The following DPF3 variants were observed in gnomAD, a reference collection of about 807,000 sequenced individuals.
The protein encoded by DPF3 is double PHD fingers 3.
In DPF3, 18 loss-of-function variants were observed where a neutral mutation model predicts 56.8. The observed-to-expected ratio is 0.32, with a 90% CI of 0.22 to 0.47. DPF3 has a LOEUF of 0.47. Ranked by LOEUF, DPF3 falls within the 20% of genes least tolerant of loss-of-function variation. The pLI is 1.00. For synonymous variants in DPF3, 188 were observed against 180.2 expected (o/e 1.04, Z -0.35); for missense variants, 403 against 488.8 (o/e 0.82, Z 1.65).
At chr14:72,855,875 A>G (rs954492184) in intron 1 of DPF3, among the ~76,000 whole-genome samples, 2 of 152,218 alleles carry the variant, frequency 1.3e-5, no homozygotes, top group African/African-American at 4.8e-5. Context: ...TTGAGGCATG[A>G]GTGATCAGCA....
intron 1 of DPF3, among the ~76,000 whole-genome samples, chr14:72,834,821 T>C (rs1443901725): frequency 6.6e-6 from 1 of 152,164 alleles, no homozygotes; most frequent in Non-Finnish European, 1.5e-5. Flanking sequence ...GATGAATAGG[T>C]AAATCAAATG....
chr14:72,744,422 C>T (rs1890247482), intron 3 of DPF3, among the ~76,000 whole-genome samples: 1 of 151,792 alleles, frequency 6.6e-6, no homozygotes, highest in South Asian at 2.1e-4. Flanking sequence ...TACAGGTGCC[C>T]ACCACCACAC....
At chr14:72,795,294 AAATATATATAT>A (rs1277840779) in intron 1 of DPF3, among the ~76,000 whole-genome samples, 1 of 98,316 alleles carries the variant, frequency 1.0e-5, no homozygotes, top group East Asian at 2.9e-4. Context: ...AAAAAAAAAA[AAATATATATAT>A]ATATATATAT....
At position 72,733,449 on chromosome 14, in the gene DPF3, T is replaced by A. The variant is rs576312068; in HGVS notation, c.302-1515A>T. Among the ~76,000 whole-genome samples, 3 of 152,200 alleles carry A rather than the reference T, an allele frequency of 2.0e-5. No homozygotes were observed. The East Asian group carries it at 5.8e-4, about 29-fold the overall frequency. On this transcript the variant is annotated intron_variant, in intron 3 of 10. Coordinates refer to ENST00000556509, the MANE Select transcript of DPF3 (RefSeq NM_001280542.3). ...GGAGAGGGGCCATTACCGCTGCTGC[T>A]ATTTTTGGAGGGACAGAGGGAGAGT...
At chr14:72,763,636 A>AG (rs1447908461) in intron 2 of DPF3, among the ~76,000 whole-genome samples, 7 of 152,164 alleles carry the variant, frequency 4.6e-5, no homozygotes, top group African/African-American at 1.4e-4. Flanking sequence ...ATAAAATTTT[A>AG]GGAAAAAAAA....
chr14:72,882,487 A>T (rs1886359135), intron 1 of DPF3, among the ~76,000 whole-genome samples: 1 of 152,100 alleles, frequency 6.6e-6, no homozygotes, highest in Admixed American at 6.5e-5. Flanking sequence ...TGATTGGGGG[A>T]AAGTGTTTTT....
At chr14:72,826,843 C>A (rs1244254659) in intron 1 of DPF3, among the ~76,000 whole-genome samples, 1 of 152,030 alleles carries the variant, frequency 6.6e-6, no homozygotes, top group East Asian at 1.9e-4. Flanking sequence ...GAGATCAAGA[C>A]CATCCTGGCA....
chr14:72,805,297 C>A (rs1321767659), intron 1 of DPF3, among the ~76,000 whole-genome samples: 4 of 151,534 alleles, frequency 2.6e-5, no homozygotes. Context: ...ATGGAGAAAC[C>A]CTGTCTCTAC....
intron 3 of DPF3, among the ~76,000 whole-genome samples, chr14:72,732,697 G>T (rs1349112834): frequency 3.3e-5 from 5 of 152,148 alleles, no homozygotes; most frequent in Non-Finnish European, 5.9e-5. Context: ...TGCCAGCAGA[G>T]AAGTGGCAAC....
At chr14:72,639,285 A>G (rs1441517597) in intron 8 of DPF3, among the ~76,000 whole-genome samples, 1 of 152,182 alleles carries the variant, frequency 6.6e-6, no homozygotes, top group African/African-American at 2.4e-5. Context: ...GGAATGAGGC[A>G]TGACTCCTGC....
intron 1 of DPF3, among the ~76,000 whole-genome samples, chr14:72,854,376 G>A (rs1885100285): frequency 6.6e-6 from 1 of 151,980 alleles, no homozygotes; most frequent in Non-Finnish European, 1.5e-5. Flanking sequence ...CAAAAAAAAA[G>A]AAAAAACAAA....
rs543171038 is a variant in DPF3 at position 72,786,028 on chromosome 14, G to A, written c.33-14135C>T. Among the ~76,000 whole-genome samples, 9 of 152,302 alleles carry A rather than the reference G, an allele frequency of 5.9e-5. No homozygotes were observed. In the South Asian group the frequency reaches 1.2e-3, roughly 21 times the overall value. On this transcript the variant is annotated intron_variant, in intron 1 of 10. Coordinates refer to ENST00000556509, the MANE Select transcript of DPF3 (RefSeq NM_001280542.3). ...TGTAATGCCAACATTTTGGGAAGCC[G>A]AGGCGGGTGGATCACCTGAGGTCAG...
chr14:72,654,501 A>C (rs1886010973), intron 8 of DPF3, among the ~76,000 whole-genome samples: 3 of 152,172 alleles, frequency 2.0e-5, no homozygotes, highest in Admixed American at 2.0e-4. Context: ...CAGAACAGAA[A>C]AGGTGCCTTA....
At chr14:72,808,833 G>C (rs1225924776) in intron 1 of DPF3, among the ~76,000 whole-genome samples, 1 of 152,192 alleles carries the variant, frequency 6.6e-6, no homozygotes, top group Non-Finnish European at 1.5e-5. Context: ...GCTATGGTTT[G>C]GATTTTGGCA....
intron 1 of DPF3, among the ~76,000 whole-genome samples, chr14:72,788,359 G>C (rs1403128618): frequency 6.6e-6 from 1 of 152,110 alleles, no homozygotes; most frequent in Non-Finnish European, 1.5e-5. Flanking sequence ...TGGTCTGTGG[G>C]GAGGAGGGCC....
At chr14:72,893,950 G>A (rs1599533106) in intron 1 of DPF3, 107 bp downstream of exon 1, 1 of 1,327,642 alleles carries the variant, frequency 7.5e-7, no homozygotes. Flanking sequence ...CGCCGCGGCT[G>A]GAGGCGCCTG....
intron 7 of DPF3, chr14:72,675,887 A>G (rs1886887666): frequency 6.6e-6 from 1 of 152,184 alleles, no homozygotes; most frequent in Non-Finnish European, 1.5e-5. Context: ...TGGATCTCAA[A>G]CACATTTGCA....
intron 8 of DPF3, among the ~76,000 whole-genome samples, chr14:72,667,446 T>C (rs1886487543): frequency 6.6e-6 from 1 of 152,208 alleles, no homozygotes; most frequent in Non-Finnish European, 1.5e-5. Flanking sequence ...CTCAGAAAAC[T>C]CAGGGTGGTA....
At chr14:72,877,086 G>A (rs1723021363) in intron 1 of DPF3, among the ~76,000 whole-genome samples, 1 of 152,236 alleles carries the variant, frequency 6.6e-6, no homozygotes, top group South Asian at 2.1e-4. Context: ...GAATGAAGGA[G>A]GGGACAGGGA....
Sources: allele counts gnomAD v4.1 joint callset (sites outside exome capture counted in the v4.1 genomes callset), GRCh38; gene constraint gnomAD v4.1.1; transcripts MANE v1.5; gene names NCBI Gene and HGNC (gene_info 2026-07-23, HGNC 2026-07-21).